The following CNTNAP2 variants were observed in gnomAD, a reference collection of about 807,000 sequenced individuals.
The protein encoded by CNTNAP2 is contactin-associated protein-like 2.
A neutral mutation model predicts 155.2 loss-of-function variants in CNTNAP2; 98 were observed. The ratio of observed to expected loss-of-function variants is 0.63; its 90% confidence interval spans 0.54 to 0.75. The LOEUF (loss-of-function observed/expected upper bound fraction) is 0.75. CNTNAP2 is among the 30% of genes least tolerant of loss of function. The pLI is 0.00. For missense variants in CNTNAP2, 1,727 were observed against 1,688.1 expected (o/e 1.02, Z -0.40); for synonymous variants, 651 against 631.2 (o/e 1.03, Z -0.47).
At position 146,888,301 on chromosome 7, in the gene CNTNAP2, G is replaced by A. The variant is rs541845701; in HGVS notation, c.402+48397G>A. On this transcript the variant is annotated intron_variant, in intron 3 of 23. Transcript: ENST00000361727. ...GTGGAAATTTTCTCAATTTTATAACGTTTCTATTTTTTTCTCTCCAGAATA... is the reference window on the plus strand; with the variant it reads ...GTGGAAATTTTCTCAATTTTATAACATTTCTATTTTTTTCTCTCCAGAATA... Among the ~76,000 whole-genome samples, 10 of 151,878 alleles carry A rather than the reference G, an allele frequency of 6.6e-5. No individual in the cohort carries two copies. The South Asian group carries it at 1.2e-3, about 19-fold the overall frequency.
At chr7:148,202,799 A>G (rs1257884034) in intron 18 of CNTNAP2, among the ~76,000 whole-genome samples, 1 of 152,230 alleles carries the variant, frequency 6.6e-6, no homozygotes, top group Non-Finnish European at 1.5e-5. Flanking sequence ...GAAGATGACC[A>G]GAGGCTCTCA....
chr7:148,000,054 G>A (rs776840293), intron 15 of CNTNAP2, among the ~76,000 whole-genome samples: 8 of 152,160 alleles, frequency 5.3e-5, no homozygotes, highest in East Asian at 1.9e-4. Flanking sequence ...ATGTGGAGGC[G>A]CAATTCAAGT....
intron 14 of CNTNAP2, among the ~76,000 whole-genome samples, chr7:147,938,464 T>C (rs543376565): frequency 1.2e-4 from 18 of 152,174 alleles, no homozygotes; most frequent in Non-Finnish European, 2.4e-4. Context: ...GTTGCATTAA[T>C]TGAATTTCAA....
intron 3 of CNTNAP2, among the ~76,000 whole-genome samples, chr7:146,971,809 T>A (rs1281178528): frequency 6.6e-6 from 1 of 152,162 alleles, no homozygotes; most frequent in Non-Finnish European, 1.5e-5. Flanking sequence ...TACCCCCACC[T>A]GCTAATACCC....
intron 15 of CNTNAP2, among the ~76,000 whole-genome samples, chr7:148,088,466 C>G (rs770087487): frequency 6.6e-6 from 1 of 151,270 alleles, no homozygotes; most frequent in Non-Finnish European, 1.5e-5. Context: ...ATAAATGAAA[C>G]CAGAAATGAA....
At chr7:148,411,980 T>C (rs1425345784) in intron 23 of CNTNAP2, among the ~76,000 whole-genome samples, 1 of 152,016 alleles carries the variant, frequency 6.6e-6, no homozygotes, top group Non-Finnish European at 1.5e-5. Flanking sequence ...AGTCTTGCTT[T>C]GTTGCCAGGC....
intron 12 of CNTNAP2, among the ~76,000 whole-genome samples, 156 bp downstream of exon 12, chr7:147,562,413 T>C (rs552134293): frequency 1.3e-5 from 2 of 152,330 alleles, no homozygotes; most frequent in African/African-American, 4.8e-5. Flanking sequence ...ATGAAATGTA[T>C]TATTAGAGCA....
At chr7:147,517,432 C>T (rs1422918109) in intron 11 of CNTNAP2, among the ~76,000 whole-genome samples, 3 of 152,064 alleles carry the variant, frequency 2.0e-5, no homozygotes, top group Non-Finnish European at 2.9e-5. Context: ...AAGAAACATC[C>T]GAACGTCAAC....
intron 14 of CNTNAP2, among the ~76,000 whole-genome samples, chr7:147,948,015 T>G (rs1262044267): frequency 6.6e-6 from 1 of 152,164 alleles, no homozygotes; most frequent in Admixed American, 6.5e-5. Context: ...ACAGAATTTT[T>G]TTAAAATTTA....
At chr7:148,338,863 A>G (rs34837572) in intron 21 of CNTNAP2, among the ~76,000 whole-genome samples, 18,264 of 152,158 alleles carry the variant, frequency 0.12, 1,213 homozygotes, top group South Asian at 0.26. Flanking sequence ...GGGAGGTGGA[A>G]GAAGAAAAAA....
chr7:146,561,374 G>T (rs1296893968), intron 1 of CNTNAP2, among the ~76,000 whole-genome samples: 1 of 152,098 alleles, frequency 6.6e-6, no homozygotes, highest in Non-Finnish European at 1.5e-5. Flanking sequence ...TTACAATAAG[G>T]TCGGGTACAG....
At chr7:146,130,178 C>A (rs1005616595) in intron 1 of CNTNAP2, among the ~76,000 whole-genome samples, 2 of 152,140 alleles carry the variant, frequency 1.3e-5, no homozygotes, top group Non-Finnish European at 2.9e-5. Context: ...TATAGGCAGT[C>A]GGGCCGGGCG....
chr7:148,072,103 C>T (rs1803392254), intron 15 of CNTNAP2, among the ~76,000 whole-genome samples: 1 of 152,178 alleles, frequency 6.6e-6, no homozygotes, highest in Non-Finnish European at 1.5e-5. Context: ...TTTATTGTCA[C>T]AGCCTGATTT....
chr7:146,430,484 A>T (rs964946255), intron 1 of CNTNAP2, among the ~76,000 whole-genome samples: 3 of 152,038 alleles, frequency 2.0e-5, no homozygotes, highest in African/African-American at 7.2e-5. Flanking sequence ...AGTAGACAGG[A>T]TATGAATGAA....
chr7:147,007,981 G>A (rs1798555547), intron 3 of CNTNAP2, among the ~76,000 whole-genome samples: 1 of 152,146 alleles, frequency 6.6e-6, no homozygotes, highest in African/African-American at 2.4e-5. Flanking sequence ...TCATTTTCCT[G>A]TTTCTTGTTA....
intron 21 of CNTNAP2, among the ~76,000 whole-genome samples, chr7:148,284,014 G>C (rs11772836): frequency 0.54 from 81,920 of 152,184 alleles, 23,662 homozygotes; most frequent in East Asian, 0.75. Context: ...AGCAGCAACT[G>C]TATGAAACAT....
chr7:146,435,727 AT>A (rs1796234050), intron 1 of CNTNAP2, among the ~76,000 whole-genome samples: 1 of 152,196 alleles, frequency 6.6e-6, no homozygotes, highest in Non-Finnish European at 1.5e-5. Flanking sequence ...GTAAACATAT[AT>A]TTCAACCCCC....
At chr7:147,864,880 A>G (rs1799200290) in intron 13 of CNTNAP2, among the ~76,000 whole-genome samples, 1 of 152,194 alleles carries the variant, frequency 6.6e-6, no homozygotes, top group Non-Finnish European at 1.5e-5. Context: ...AAACAGGGAC[A>G]ATTTGACTTC....
At chr7:146,485,818 T>G (rs563583092) in intron 1 of CNTNAP2, among the ~76,000 whole-genome samples, 7 of 152,032 alleles carry the variant, frequency 4.6e-5, no homozygotes, top group African/African-American at 1.4e-4. Flanking sequence ...ATGACACAAA[T>G]TACCTATTAA....
Sources: gnomAD v4.1 joint callset for allele counts (sites outside exome capture counted in the v4.1 genomes callset) on GRCh38, gnomAD v4.1.1 for gene constraint, MANE v1.5 for transcripts, NCBI Gene and HGNC (gene_info 2026-07-23, HGNC 2026-07-21) for gene names.